The following DDC variants were observed in gnomAD, a reference collection of about 807,000 sequenced individuals.
DDC encodes aromatic-L-amino-acid decarboxylase.
A neutral mutation model predicts 60.0 loss-of-function variants in DDC; 43 were observed. The ratio of observed to expected loss-of-function variants is 0.72; its 90% CI spans 0.56 to 0.92. The LOEUF is 0.92. Among genes scored for constraint, DDC ranks in the 40% least tolerant of loss-of-function variants. The pLI is 0.00. For missense variants in DDC, 573 were observed against 620.2 expected, an observed-to-expected ratio of 0.92 and a Z score of 0.81; for synonymous variants, 232 against 234.6, an observed-to-expected ratio of 0.99 and a Z score of 0.10.
At chr7:50,470,440 C>T (rs999561940) in intron 11 of DDC, among the ~76,000 whole-genome samples, 9 of 152,214 alleles carry the variant, frequency 5.9e-5, no homozygotes, top group Non-Finnish European at 1.0e-4. Context: ...CAGGTGTTTG[C>T]GGCATGCACA....
intron 14 of DDC, 29 bp from the exon 15 acceptor site, chr7:50,458,872 A>G (rs1230738933): frequency 6.6e-6 from 1 of 151,778 alleles, no homozygotes; most frequent in Non-Finnish European, 1.5e-5. Context: ...GCATGAGCAT[A>G]TGGCTACATT....
At chr7:50,492,736 T>A in intron 9 of DDC, 1 of 1,411,594 alleles carries the variant, frequency 7.1e-7, no homozygotes, top group Non-Finnish European at 9.2e-7. Context: ...GTGTGTCCTG[T>A]GTCTCTTCCC....
At chr7:50,550,536 G>A (rs778756505) in intron 1 of DDC, among the ~76,000 whole-genome samples, 20 of 152,148 alleles carry the variant, frequency 1.3e-4, no homozygotes, top group South Asian at 4.1e-4. Context: ...GGACACACCC[G>A]TGACACAGCC....
intron 6 of DDC, among the ~76,000 whole-genome samples, chr7:50,511,544 C>T (rs908189755): frequency 1.1e-4 from 16 of 152,020 alleles, no homozygotes; most frequent in East Asian, 5.8e-4. Context: ...CCGGCTAACA[C>T]GGTGAAACCG....
At chr7:50,513,955 C>G (rs576153523) in intron 6 of DDC, among the ~76,000 whole-genome samples, 1 of 152,070 alleles carries the variant, frequency 6.6e-6, no homozygotes, top group Non-Finnish European at 1.5e-5. Context: ...CCACTGGGCC[C>G]TCTCCATACT....
At chr7:50,528,338 G>C in intron 5 of DDC, 58 bp from the exon 6 acceptor site, 1 of 1,610,214 alleles carries the variant, frequency 6.2e-7, no homozygotes, top group Non-Finnish European at 8.5e-7. Flanking sequence ...GTTATTACCA[G>C]GCCCTGGATC....
intron 9 of DDC, among the ~76,000 whole-genome samples, chr7:50,483,127 A>G (rs1343642716): frequency 6.6e-6 from 1 of 152,142 alleles, no homozygotes; most frequent in Non-Finnish European, 1.5e-5. Flanking sequence ...CCATTAAGTA[A>G]AGGTTCACTA....
At chr7:50,537,794 C>A in intron 4 of DDC, 66 bp downstream of exon 4, 1 of 1,606,820 alleles carries the variant, frequency 6.2e-7, no homozygotes, top group Non-Finnish European at 8.5e-7. Flanking sequence ...TCTTTCCCCA[C>A]CTGCGGCTAC....
In DDC at chr7:50,474,505, C is replaced by CA. The variant is rs550780349; in HGVS notation, c.1041+2118dup. Reference sequence around the variant, plus strand: ...TGGGGAAGCCTCAGGCAAGCCCTGCCACCTTCGTGGTCCTGCAGGCGGGTG... The same window carrying CA: ...TGGGGAAGCCTCAGGCAAGCCCTGCCAACCTTCGTGGTCCTGCAGGCGGGTG... On this transcript the variant is annotated intron_variant, in intron 11 of 14. Transcript: ENST00000444124. Among the ~76,000 whole-genome samples the CA allele has an allele frequency of 1.9e-3, 284 of 152,288 alleles. 1 individual carries two copies. The highest frequency in any genetic ancestry group is 6.6e-3 in the African/African-American group (274 of 41,556).
rs530634036 is a variant in DDC at position 50,523,220 on chromosome 7, G to A, written c.714+4917C>T. On this transcript the variant is annotated intron_variant, in intron 6 of 14. Coordinates refer to ENST00000444124, the MANE Select transcript of DDC (RefSeq NM_001082971.2). ...TTAAAGTACAAAACTATAAATTTCC[G>A]AGAAGATAATATAGGAGAAAACCTA... Among the ~76,000 whole-genome samples, 39 of 152,200 alleles carry A rather than the reference G, an allele frequency of 2.6e-4. No individual in the cohort carries two copies. The South Asian group carries it at 4.6e-3, about 18-fold the overall frequency.
chr7:50,543,730 C>G (rs2044710706), intron 2 of DDC, among the ~76,000 whole-genome samples, 155 bp downstream of exon 2: 1 of 152,342 alleles, frequency 6.6e-6, no homozygotes, highest in Non-Finnish European at 1.5e-5. Context: ...CTCTGAGCCT[C>G]AGTTTCCTCA....
At chr7:50,537,711 G>A in intron 4 of DDC, 149 bp downstream of exon 4, 1 of 1,043,094 alleles carries the variant, frequency 9.6e-7, no homozygotes. Context: ...CCCAAAGCCA[G>A]CATTTTCCCA....
intron 9 of DDC, among the ~76,000 whole-genome samples, chr7:50,487,091 C>G (rs1007961074): frequency 2.6e-5 from 4 of 152,132 alleles, no homozygotes; most frequent in Non-Finnish European, 4.4e-5. Context: ...CTGCCTCTGC[C>G]TGGGTCTGTT....
intron 6 of DDC, among the ~76,000 whole-genome samples, chr7:50,526,176 A>G (rs1440292121): frequency 6.6e-6 from 1 of 152,230 alleles, no homozygotes; most frequent in Non-Finnish European, 1.5e-5. Flanking sequence ...CAGCACCTCC[A>G]TTGGCGGCAC....
chr7:50,469,312 C>G (rs1211955977), intron 12 of DDC, among the ~76,000 whole-genome samples: 5 of 148,670 alleles, frequency 3.4e-5, no homozygotes, highest in Non-Finnish European at 7.4e-5. Flanking sequence ...ATAAGTGGTT[C>G]TCAAATTTTA....
intron 6 of DDC, among the ~76,000 whole-genome samples, chr7:50,525,089 T>C (rs575730556): frequency 3.9e-5 from 6 of 152,364 alleles, no homozygotes; most frequent in African/African-American, 1.4e-4. Context: ...TCTTGAAATG[T>C]CACATATTGT....
Position 50,528,177 on chromosome 7 carries a change from G to C in DDC, c.674C>G (p.Ala225Gly). ...FAMRASALQE[A>G]LERDKAAGLI... is the part of the protein sequence containing the mutation. ...GCCAGCCGCTTTGTCTCTCTCCAGG[G>C]CTTCCTGCAGGGCAGACGCACGCAT... The change falls in exon 6 of 15, where the codon GCC becomes GGC. Residue 225 changes from alanine (A) to glycine (G), a missense_variant. Transcript: ENST00000444124. 6.2e-7 allele frequency: 1 copy of C among 1,613,776 alleles called. No individual in the cohort carries two copies. The highest frequency in any genetic ancestry group is 8.5e-7 in the Non-Finnish European group (1 of 1,180,046).
rs140492442 is a variant in DDC at position 50,530,186 on chromosome 7, C to T, written c.436-844G>A. Among the ~76,000 whole-genome samples, 169 of 152,036 alleles carry T rather than the reference C, an allele frequency of 1.1e-3. 3 individuals are homozygous for T. In the East Asian group the frequency reaches 0.028, roughly 25 times the overall value. ...GGGAGGATGACTTGAGCCTGGGAGGCGGAGGTTGCAGTGAGCCGCAATTAC... is the reference window on the plus strand; with the variant it reads ...GGGAGGATGACTTGAGCCTGGGAGGTGGAGGTTGCAGTGAGCCGCAATTAC... On this transcript the variant is annotated intron_variant, in intron 4 of 14. Coordinates refer to ENST00000444124, the MANE Select transcript of DDC (RefSeq NM_001082971.2).
chr7:50,509,968 C>T (rs1052102832), intron 6 of DDC, among the ~76,000 whole-genome samples: 1 of 148,162 alleles, frequency 6.7e-6, no homozygotes, highest in African/African-American at 2.4e-5. Flanking sequence ...ATATAAGATA[C>T]TTACGTATCT....
Sources: allele counts gnomAD v4.1 joint callset (sites outside exome capture counted in the v4.1 genomes callset), GRCh38; gene constraint gnomAD v4.1.1; transcripts MANE v1.5; gene names NCBI Gene and HGNC (gene_info 2026-07-23, HGNC 2026-07-21).